Variants in PIK3AP1 observed in about 807,000 individuals in gnomAD.
PIK3AP1 encodes the protein phosphoinositide-3-kinase adaptor protein 1, also known as phosphoinositide 3-kinase adapter protein 1.
A neutral mutation model predicts 88.1 loss-of-function variants in PIK3AP1; 21 were observed. That is an observed-to-expected ratio of 0.24 (90% CI 0.17 to 0.34). The LOEUF (loss-of-function observed/expected upper bound fraction) is 0.34. Ranked by LOEUF, PIK3AP1 falls within the 10% of genes least tolerant of loss-of-function variation. The pLI, the probability that PIK3AP1 is intolerant of heterozygous loss-of-function variation, is 1.00. For missense variants in PIK3AP1, 828 were observed against 1,035.7 expected (o/e 0.80, Z 2.75); for synonymous variants, 398 against 400.0 (o/e 1.00, Z 0.06).
intron 2 of PIK3AP1, among the ~76,000 whole-genome samples, chr10:96,708,387 C>T (rs1440511167): frequency 1.3e-5 from 2 of 151,764 alleles, no homozygotes; most frequent in Non-Finnish European, 2.9e-5. Context: ...CCAGCCTGAC[C>T]AACATGGTAA....
At chr10:96,680,154 G>C (rs554079199) in intron 2 of PIK3AP1, among the ~76,000 whole-genome samples, 2 of 152,138 alleles carry the variant, frequency 1.3e-5, no homozygotes, top group Non-Finnish European at 2.9e-5. Flanking sequence ...ACATATTCTA[G>C]TCAGCCAGTT....
intron 2 of PIK3AP1, among the ~76,000 whole-genome samples, chr10:96,665,231 A>C (rs1843744947): frequency 6.6e-6 from 1 of 152,242 alleles, no homozygotes; most frequent in Non-Finnish European, 1.5e-5. Flanking sequence ...TTCTGTGTGC[A>C]TCTGGTTCTT....
chr10:96,648,563 G>A (rs1434076045), intron 7 of PIK3AP1, 96 bp downstream of exon 7: 2 of 1,302,644 alleles, frequency 1.5e-6, no homozygotes, highest in African/African-American at 3.1e-5. Context: ...ATGAGGACAT[G>A]CTAGAGATAA....
intron 2 of PIK3AP1, among the ~76,000 whole-genome samples, chr10:96,668,257 C>T (rs1457278133): frequency 6.6e-6 from 1 of 152,184 alleles, no homozygotes; most frequent in Non-Finnish European, 1.5e-5. Context: ...GAGTTGTACA[C>T]TTAAAATGCA....
chr10:96,674,508 G>A (rs1375088438), intron 2 of PIK3AP1, among the ~76,000 whole-genome samples: 1 of 152,216 alleles, frequency 6.6e-6, no homozygotes, highest in Non-Finnish European at 1.5e-5. Context: ...TTGTTTATCT[G>A]TTGACCAAAT....
intron 8 of PIK3AP1, among the ~76,000 whole-genome samples, chr10:96,644,522 T>C (rs1444838584): frequency 6.6e-6 from 1 of 152,196 alleles, no homozygotes; most frequent in South Asian, 2.1e-4. Context: ...AGATTCCTAT[T>C]TTGTTTTGAG....
chr10:96,692,756 A>G (rs1358198396), intron 2 of PIK3AP1, among the ~76,000 whole-genome samples: 1 of 152,264 alleles, frequency 6.6e-6, no homozygotes, highest in Non-Finnish European at 1.5e-5. Flanking sequence ...ATTTGACTGC[A>G]GAATTAGCCT....
chr10:96,624,156 C>T (rs185389470), intron 10 of PIK3AP1, among the ~76,000 whole-genome samples: 313 of 152,288 alleles, frequency 2.1e-3, no homozygotes, highest in Middle Eastern at 6.8e-3. Flanking sequence ...CTCTTCCTGT[C>T]CCTATTTCTT....
At chr10:96,600,644 T>G (rs10748685) in intron 16 of PIK3AP1, among the ~76,000 whole-genome samples, 123,713 of 152,192 alleles carry the variant, frequency 0.81, 50,793 homozygotes, top group East Asian at 0.99. Context: ...GGAAAGATCC[T>G]TAGCACAGAG....
intron 12 of PIK3AP1, chr10:96,618,760 C>G (rs1843035637): frequency 6.6e-6 from 1 of 152,184 alleles, no homozygotes; most frequent in Admixed American, 6.5e-5. Context: ...TTCAGGCTGC[C>G]AGCTCTAGAG....
intron 2 of PIK3AP1, among the ~76,000 whole-genome samples, chr10:96,683,011 T>C (rs192545110): frequency 6.6e-6 from 1 of 152,342 alleles, no homozygotes; most frequent in Non-Finnish European, 1.5e-5. Flanking sequence ...GTGGCCATCA[T>C]TGCACAAGTC....
chr10:96,684,603 A>G (rs1282420576), intron 2 of PIK3AP1, among the ~76,000 whole-genome samples: 4 of 152,214 alleles, frequency 2.6e-5, no homozygotes, highest in African/African-American at 9.6e-5. Context: ...TTGCAGAAAT[A>G]ATCAGAAAGA....
At chr10:96,629,930 A>AAAAAAAAAAAGAAG (rs776780994) in intron 8 of PIK3AP1, among the ~76,000 whole-genome samples, 29 of 13,704 alleles carry the variant, frequency 2.1e-3, no homozygotes, top group Non-Finnish European at 2.8e-3. Flanking sequence ...AAAAAAAAAA[A>AAAAAAAAAAAGAAG]AAGAAGAAGA....
At chr10:96,605,813 C>T (rs1230648931) in intron 14 of PIK3AP1, among the ~76,000 whole-genome samples, 3 of 152,072 alleles carry the variant, frequency 2.0e-5, no homozygotes, top group African/African-American at 4.8e-5. Context: ...GAGCCGGGTG[C>T]GGTGGCTCAC....
chr10:96,644,363 A>G (rs553660336), intron 8 of PIK3AP1, among the ~76,000 whole-genome samples: 1 of 152,360 alleles, frequency 6.6e-6, no homozygotes, highest in Admixed American at 6.5e-5. Flanking sequence ...ATATCTGTGT[A>G]TATGTACAAG....
At chr10:96,605,331 T>C (rs1589481481) in intron 14 of PIK3AP1, among the ~76,000 whole-genome samples, 1 of 152,328 alleles carries the variant, frequency 6.6e-6, no homozygotes, top group Middle Eastern at 3.4e-3. Context: ...GAAACATGGC[T>C]AGTGCAACCA....
In PIK3AP1 at chr10:96,709,854, C is replaced by T. The variant is rs1249665321; in HGVS notation, c.143G>A (p.Gly48Asp). Residue 48 changes from glycine to aspartate, a missense_variant, in exon 2 of 17, where the codon GGC (glycine) becomes GAC (aspartate). Gly to Asp is a moderately conservative substitution (Grantham distance 94, BLOSUM62 -1). Around this residue, in one of 3 missense-constraint regions of PIK3AP1, gnomAD observed 610 missense variants for 760.1 expected, o/e 0.80. Transcript: ENST00000339364. ...RSQKILTHRL[G>D]PEASFSAEDL... is the part of the protein sequence containing the mutation. ...CTCTGCCGAGAAGGAGGCCTCGGGG[C>T]CCAGCCTGTGAGTCAGTATCTTCTG... 3 of 1,613,964 alleles carry T rather than the reference C, an allele frequency of 1.9e-6. No individual in the cohort carries two copies. Among genetic ancestry groups the T allele is most frequent in the South Asian group, 2.2e-5 (2 of 91,082 alleles).
At position 96,720,305 on chromosome 10, in the gene PIK3AP1, G is replaced by T; in HGVS notation, c.13+77C>A. 1 of 1,223,996 alleles carries T rather than the reference G, an allele frequency of 8.2e-7. No homozygotes were observed. 75.8% of individuals were successfully genotyped at this position (1,223,996 alleles called of 1,614,324 possible). A position where few individuals can be genotyped will look rare whatever the true frequency, so the allele number is the denominator to read the frequency against. ...CAGAGGACGCAAACAGAAGCAAGCG[G>T]GGGAGCGCGCCTCAAGGGATGCGGG... On this transcript the variant is annotated intron_variant, in intron 1 of 16. Transcript: ENST00000339364. This position sits in a 1 kb window ranked among gnomAD's most constrained non-coding sequence, Gnocchi z 4.6.
At chr10:96,697,812 T>TCC (rs1844241407) in intron 2 of PIK3AP1, among the ~76,000 whole-genome samples, 1 of 152,312 alleles carries the variant, frequency 6.6e-6, no homozygotes, top group East Asian at 1.9e-4. Flanking sequence ...CCAAATGTCC[T>TCC]CCATCCACCC....
Sources: allele counts gnomAD v4.1 joint callset (sites outside exome capture counted in the v4.1 genomes callset), GRCh38; gene constraint gnomAD v4.1.1; regional missense constraint gnomAD v4.1.1; non-coding constraint Gnocchi (gnomAD v3.1); transcripts MANE v1.5; gene names NCBI Gene and HGNC (gene_info 2026-07-23, HGNC 2026-07-21).